The following TMC5 variants were observed in gnomAD, a reference collection of about 807,000 sequenced individuals.
TMC5 encodes the protein transmembrane channel like 5, also known as transmembrane channel-like protein 5.
Under a neutral mutation model 110.5 loss-of-function variants are expected in TMC5, and 86 were observed. That is an observed-to-expected ratio of 0.78 (90% CI 0.65 to 0.93). The LOEUF (loss-of-function observed/expected upper bound fraction) is 0.93, where lower values mean the gene tolerates loss of function less well. Among genes scored for constraint, TMC5 ranks in the 40% least tolerant of loss-of-function variants. The probability of loss-of-function intolerance (pLI) is 0.00; values close to 1 mark genes in which losing one functional copy is unlikely to be tolerated. For missense variants in TMC5, 1,144 were observed against 1,222.8 expected (o/e 0.94, Z 0.96); for synonymous variants, 455 against 439.5 (o/e 1.04, Z -0.44).
intron 8 of TMC5, among the ~76,000 whole-genome samples, chr16:19,464,656 A>G (rs113274232): frequency 0.053 from 8,080 of 152,104 alleles, 383 homozygotes; most frequent in African/African-American, 0.13. Flanking sequence ...TTTACTTAGC[A>G]ATATGTGGTG....
At chr16:19,493,445 G>GTCTC (rs758091886) in intron 19 of TMC5, among the ~76,000 whole-genome samples, 25 of 58,306 alleles carry the variant, frequency 4.3e-4, no homozygotes, top group African/African-American at 1.3e-3. Context: ...TTTGGTTAAT[G>GTCTC]TCTCTCTCTC....
At chr16:19,443,968 G>T in intron 3 of TMC5, 113 bp from the exon 4 acceptor site, 3 of 1,111,926 alleles carry the variant, frequency 2.7e-6, no homozygotes, top group Middle Eastern at 2.5e-4. Flanking sequence ...TAAATGGATG[G>T]ATAAATAAAT....
upstream of TMC5, among the ~76,000 whole-genome samples, chr16:19,414,543 A>C (rs1168531323): frequency 1.3e-5 from 2 of 152,138 alleles, no homozygotes; most frequent in Non-Finnish European, 2.9e-5. Context: ...TGCTATTCAT[A>C]CTGTGTGCAA....
intron 6 of TMC5, 79 bp downstream of exon 6, chr16:19,460,413 T>C (rs1220511857): frequency 9.7e-7 from 1 of 1,030,910 alleles, no homozygotes; most frequent in African/African-American, 1.6e-5. Context: ...CTCAAAAAGA[T>C]AAGAAATAAA....
chr16:19,418,073 T>TCCTGTAGAA lies in TMC5; in HGVS notation c.-325_-317dup, dbSNP rs1851496743. 6.6e-6 allele frequency: 1 copy of TCCTGTAGAA among 152,238 alleles called. No individual in the cohort carries two copies. Among genetic ancestry groups the TCCTGTAGAA allele is most frequent in the African/African-American group, 2.4e-5 (1 of 41,526 alleles). The allele number at this position is 152,238 out of a possible 1,614,324, so 9.4% of individuals were successfully genotyped here. A position where few individuals can be genotyped will look rare whatever the true frequency, so the allele number is the denominator to read the frequency against. ...GTGGAGGGGAAGTTTGTCTGGATTT[T>TCCTGTAGAA]CCTGTAGAACTGAGGGCAGGTAAGT... On this transcript the variant is annotated 5_prime_UTR_variant, in exon 1 of 22. Coordinates refer to ENST00000542583, the MANE Select transcript of TMC5 (RefSeq NM_001261841.2).
intron 18 of TMC5, among the ~76,000 whole-genome samples, chr16:19,490,966 TTCCCTTCCCTTCCCCTTC>T (rs1567328015): frequency 8.6e-5 from 6 of 69,426 alleles, no homozygotes; most frequent in African/African-American, 2.6e-4. Context: ...TTCCCCTCCC[TTCCCTTCCCTTCCCCTTC>T]TCCTTCCTTC....
intron 2 of TMC5, among the ~76,000 whole-genome samples, chr16:19,434,640 A>C (rs1967302494): frequency 6.6e-6 from 1 of 151,472 alleles, no homozygotes; most frequent in Non-Finnish European, 1.5e-5. Flanking sequence ...CTATTTCTTT[A>C]ATCATGTCCT....
chr16:19,465,099 TCCTTCCTTCCTTCCTCCCTCCCTC>T (rs1484759610), intron 8 of TMC5, among the ~76,000 whole-genome samples: 2,123 of 97,176 alleles, frequency 0.022, 87 homozygotes, highest in Admixed American at 0.081. Context: ...CTTCCTTCCT[TCCTTCCTTCCTTCCTCCCTCCCTC>T]CCTCCCTCCC....
chr16:19,421,037 G>A (rs1567295143), intron 1 of TMC5, among the ~76,000 whole-genome samples: 1 of 152,108 alleles, frequency 6.6e-6, no homozygotes, highest in Non-Finnish European at 1.5e-5. Flanking sequence ...TGTCATTCCT[G>A]AGGTGAGATA....
chr16:19,457,706 A>ATTTTTTTT (rs1555483103), intron 5 of TMC5, among the ~76,000 whole-genome samples: 3 of 41,072 alleles, frequency 7.3e-5, no homozygotes, highest in Non-Finnish European at 2.4e-4. Context: ...CCAAGACTAC[A>ATTTTTTTT]TTCTTTTTTT....
At chr16:19,488,939 C>T (rs1018473280) in intron 17 of TMC5, among the ~76,000 whole-genome samples, 1 of 152,158 alleles carries the variant, frequency 6.6e-6, no homozygotes, top group Admixed American at 6.5e-5. Context: ...AATTAATGAA[C>T]AAGGGAGATG....
At chr16:19,418,725 G>GTC (rs1966912124) in intron 1 of TMC5, among the ~76,000 whole-genome samples, 27 of 88,692 alleles carry the variant, frequency 3.0e-4, no homozygotes, top group Non-Finnish European at 5.1e-4. Context: ...AGTGATTTTT[G>GTC]TGTTTTTTTT....
intron 2 of TMC5, among the ~76,000 whole-genome samples, chr16:19,435,923 C>T (rs1314881566): frequency 6.6e-6 from 1 of 152,134 alleles, no homozygotes; most frequent in African/African-American, 2.4e-5. Flanking sequence ...ACTTATTCCA[C>T]CGTTGAATGA....
chr16:19,435,419 G>A (rs564614418), intron 2 of TMC5, among the ~76,000 whole-genome samples: 29 of 151,836 alleles, frequency 1.9e-4, no homozygotes, highest in Admixed American at 3.9e-4. Context: ...GAAGAATGGC[G>A]TGAACCCGGG....
upstream of TMC5, among the ~76,000 whole-genome samples, chr16:19,415,633 G>A (rs375171207): frequency 9.3e-4 from 142 of 152,288 alleles, no homozygotes; most frequent in East Asian, 0.013. Context: ...CCAGGAGCTC[G>A]TTTGGCGCAG....
chr16:19,448,306 A>G (rs202153494), intron 4 of TMC5, among the ~76,000 whole-genome samples: 12 of 27,092 alleles, frequency 4.4e-4, no homozygotes, highest in African/African-American at 5.8e-4. Flanking sequence ...ACACACACGC[A>G]CACACACACA....
chr16:19,435,926 T>C (rs1372743599), intron 2 of TMC5, among the ~76,000 whole-genome samples: 3 of 152,268 alleles, frequency 2.0e-5, no homozygotes, highest in East Asian at 1.9e-4. Context: ...TATTCCACCG[T>C]TGAATGACAT....
chr16:19,438,435 G>GAGAAAGAAAGAAAGAAAGAA (rs71143882), intron 2 of TMC5, among the ~76,000 whole-genome samples: 6,465 of 103,718 alleles, frequency 0.062, 399 homozygotes, highest in African/African-American at 0.084. Context: ...AAGAAAGAAA[G>GAGAAAGAAAGAAAGAAAGAA]AGAAAGAAAG....
chr16:19,490,661 T>C (rs1968864374), intron 18 of TMC5, 93 bp downstream of exon 18: 1 of 1,276,734 alleles, frequency 7.8e-7, no homozygotes, highest in East Asian at 2.3e-5. Context: ...CAAATGGCTA[T>C]AGCATAGCTC....
Sources: gnomAD v4.1 joint callset for allele counts (sites outside exome capture counted in the v4.1 genomes callset) on GRCh38, gnomAD v4.1.1 for gene constraint, MANE v1.5 for transcripts, NCBI Gene and HGNC (gene_info 2026-07-23, HGNC 2026-07-21) for gene names.